TFPI: variants seen among roughly 807,000 people sequenced by gnomAD.
TFPI encodes the protein tissue factor pathway inhibitor.
In TFPI, 15 loss-of-function variants were observed where a neutral mutation model predicts 34.6. The observed-to-expected ratio is 0.43, with a 90% CI of 0.29 to 0.67. TFPI has a LOEUF of 0.67. TFPI is among the 30% of genes least tolerant of loss of function. TFPI has a pLI of 0.15. For synonymous variants in TFPI, 105 were observed against 120.1 expected, an observed-to-expected ratio of 0.87 and a Z score of 0.82; for missense variants, 301 against 364.0, an observed-to-expected ratio of 0.83 and a Z score of 1.41.
chr2:187,506,353 TAAAA>T (rs986532608), intron 1 of TFPI, among the ~76,000 whole-genome samples: 1 of 151,166 alleles, frequency 6.6e-6, no homozygotes, highest in African/African-American at 2.4e-5. Context: ...GTTTTAGATT[TAAAA>T]AAAAATAGAG....
At chr2:187,496,514 G>A (rs1386868996) in intron 3 of TFPI, among the ~76,000 whole-genome samples, 2 of 151,870 alleles carry the variant, frequency 1.3e-5, no homozygotes, top group Non-Finnish European at 2.9e-5. Flanking sequence ...CTTTATTATG[G>A]ATAAGAGTAT....
intron 1 of TFPI, chr2:187,519,100 A>G (rs1687200089): frequency 6.6e-6 from 1 of 152,004 alleles, no homozygotes; most frequent in Non-Finnish European, 1.5e-5. Flanking sequence ...ATGCTCCCTT[A>G]GCTTGGAGGA....
At chr2:187,484,048 C>G in intron 6 of TFPI, 76 bp downstream of exon 6, 1 of 1,206,990 alleles carries the variant, frequency 8.3e-7, no homozygotes, top group Non-Finnish European at 1.2e-6. Context: ...TAAAGACATA[C>G]TTCTAATACA....
At position 187,531,499 on chromosome 2, in the gene TFPI, T is replaced by C. The variant is rs576770361; in HGVS notation, c.-3+22701A>G. 2.0e-5 allele frequency among the ~76,000 whole-genome samples: 3 copies of C among 152,322 alleles called. No homozygotes were observed. In the East Asian group the frequency reaches 5.8e-4, roughly 29 times the overall value. On this transcript the variant is annotated intron_variant, in intron 1 of 7. Transcript: ENST00000233156. ...AAATATTCACAGAAATTTTTCTGTT[T>C]TTTTGCAACCATTTGATTATAAATA... is the stretch of plus-strand genomic sequence containing the variant.
chr2:187,553,149 C>G (rs975506056), intron 1 of TFPI, among the ~76,000 whole-genome samples: 22 of 151,868 alleles, frequency 1.4e-4, no homozygotes, highest in African/African-American at 5.3e-4. Context: ...GCCTCCCTAA[C>G]ACATTTTATT....
In TFPI at chr2:187,465,105, G is replaced by A. The variant is rs146525369; in HGVS notation, c.*1831C>T. 6.6e-6 allele frequency: 1 copy of A among 152,312 alleles called. No individual in the cohort carries two copies. The highest frequency in any genetic ancestry group is 1.9e-4 in the East Asian group (1 of 5,190). 9.4% of individuals were successfully genotyped at this position (152,312 alleles called of 1,614,324 possible). On this transcript the variant is annotated 3_prime_UTR_variant, in exon 8 of 8. Transcript: ENST00000233156. Reference sequence around the variant, plus strand: ...TACATCAAAATTAAATGGTGAGGTTGAAGGTTGTAGTTAAGTACCAACTAG... The same window carrying A: ...TACATCAAAATTAAATGGTGAGGTTAAAGGTTGTAGTTAAGTACCAACTAG...
At chr2:187,550,339 A>G (rs576928060) in intron 1 of TFPI, among the ~76,000 whole-genome samples, 3 of 152,280 alleles carry the variant, frequency 2.0e-5, no homozygotes, top group African/African-American at 7.2e-5. Context: ...TGGAGCATTA[A>G]GTATAGTACT....
chr2:187,474,362 G>A (rs923430493), intron 6 of TFPI, among the ~76,000 whole-genome samples: 2 of 152,022 alleles, frequency 1.3e-5, no homozygotes, highest in African/African-American at 2.4e-5. Flanking sequence ...GGGGTACTTC[G>A]CAAACTCCAG....
At chr2:187,492,663 C>CA (rs1685198698) in intron 3 of TFPI, among the ~76,000 whole-genome samples, 1 of 152,138 alleles carries the variant, frequency 6.6e-6, no homozygotes, top group Non-Finnish European at 1.5e-5. Flanking sequence ...CATTTTGGAG[C>CA]TTTAGGATTT....
rs1435236467 is a variant in TFPI, at chr2:187,464,704, C to G, written c.*2232G>C. Reference sequence around the variant, plus strand: ...AATGTTTCACAAGGGCCTTTGATTTCCAAAACTCTCAAATTCCACAGCAAA... The same window carrying G: ...AATGTTTCACAAGGGCCTTTGATTTGCAAAACTCTCAAATTCCACAGCAAA... On this transcript the variant is annotated 3_prime_UTR_variant, in exon 8 of 8. Coordinates refer to ENST00000233156, the MANE Select transcript of TFPI (RefSeq NM_006287.6). 1 of 152,084 alleles carries G rather than the reference C, an allele frequency of 6.6e-6. No homozygotes were observed. Among genetic ancestry groups the G allele is most frequent in the African/African-American group, 2.4e-5 (1 of 41,414 alleles). 9.4% of individuals were successfully genotyped at this position (152,084 alleles called of 1,614,324 possible). A position where few individuals can be genotyped will look rare whatever the true frequency, so the allele number is the denominator to read the frequency against.
In TFPI at chr2:187,551,479, C is replaced by G. The variant is rs77821846; in HGVS notation, c.-3+2721G>C. 3.0e-4 allele frequency among the ~76,000 whole-genome samples: 45 copies of G among 152,202 alleles called. No homozygotes were observed. The East Asian group carries it at 8.7e-3, about 29-fold the overall frequency. ...AGTTGCCTTCAGCAACTGGTAGCTA[C>G]TGGTAGTTGAATCTCAGGCTGTGGT... On this transcript the variant is annotated intron_variant, in intron 1 of 7. Transcript: ENST00000233156.
chr2:187,494,233 C>T (rs1454248665), intron 3 of TFPI, among the ~76,000 whole-genome samples: 1 of 144,268 alleles, frequency 6.9e-6, no homozygotes, highest in Non-Finnish European at 1.5e-5. Flanking sequence ...CCTCCCACAA[C>T]ATATGGGAAT....
At chr2:187,478,376 A>T (rs1459311910) in intron 6 of TFPI, among the ~76,000 whole-genome samples, 1 of 152,162 alleles carries the variant, frequency 6.6e-6, no homozygotes, top group Non-Finnish European at 1.5e-5. Context: ...CAGCAACAAC[A>T]AAAAACAAAA....
At chr2:187,509,406 C>A (rs982390960) in intron 1 of TFPI, among the ~76,000 whole-genome samples, 1 of 152,234 alleles carries the variant, frequency 6.6e-6, no homozygotes, top group South Asian at 2.1e-4. Context: ...TGGTAGAATT[C>A]GGCTGTGAAT....
chr2:187,505,943 G>A (rs1459785172), intron 1 of TFPI, among the ~76,000 whole-genome samples: 3 of 147,606 alleles, frequency 2.0e-5, no homozygotes, highest in Non-Finnish European at 4.5e-5. Context: ...ATGACTATAT[G>A]ACTATATACC....
intron 6 of TFPI, among the ~76,000 whole-genome samples, chr2:187,473,987 G>A (rs1223417021): frequency 6.6e-6 from 1 of 152,086 alleles, no homozygotes; most frequent in East Asian, 1.9e-4. Flanking sequence ...TGTTCTCTGG[G>A]TTGGATTTCA....
At chr2:187,528,507 A>G (rs1371001945) in intron 1 of TFPI, among the ~76,000 whole-genome samples, 1 of 152,202 alleles carries the variant, frequency 6.6e-6, no homozygotes, top group South Asian at 2.1e-4. Flanking sequence ...ATTATGGTCA[A>G]TTCAAATTAT....
intron 3 of TFPI, among the ~76,000 whole-genome samples, chr2:187,493,735 CA>C (rs1685275163): frequency 6.6e-6 from 1 of 152,152 alleles, no homozygotes; most frequent in Admixed American, 6.5e-5. Flanking sequence ...ATCTCTAGGG[CA>C]GGGGCAAAAT....
intron 1 of TFPI, among the ~76,000 whole-genome samples, chr2:187,533,305 T>C (rs530526888): frequency 6.6e-6 from 1 of 152,214 alleles, no homozygotes; most frequent in Admixed American, 6.5e-5. Flanking sequence ...AGACACCTCA[T>C]ACAGGAGAGC....
Sources: gnomAD v4.1 joint callset for allele counts (sites outside exome capture counted in the v4.1 genomes callset) on GRCh38, gnomAD v4.1.1 for gene constraint, MANE v1.5 for transcripts, NCBI Gene and HGNC (gene_info 2026-07-23, HGNC 2026-07-21) for gene names.